The following CAMKMT variants were observed in gnomAD, a reference collection of about 807,000 sequenced individuals.
CAMKMT encodes the protein CaM KMT.
CAMKMT carries 53 observed loss-of-function variants against 48.0 expected under a neutral mutation model. The observed-to-expected ratio is 1.10, with a 90% confidence interval of 0.89 to 1.39. The LOEUF is 1.39. Ranked by LOEUF, CAMKMT falls within the 40% of genes most tolerant of loss-of-function variation. The pLI, the probability that CAMKMT is intolerant of heterozygous loss-of-function variation, is 0.00. For missense variants in CAMKMT, 428 were observed against 402.7 expected (o/e 1.06, Z -0.54); for synonymous variants, 165 against 152.3 (o/e 1.08, Z -0.61).
intron 3 of CAMKMT, among the ~76,000 whole-genome samples, chr2:44,610,833 C>T (rs368256422): frequency 4.6e-5 from 7 of 152,182 alleles, no homozygotes; most frequent in East Asian, 1.9e-4. Flanking sequence ...CCCTTTAAAA[C>T]GGATCCATAG....
intron 2 of CAMKMT, among the ~76,000 whole-genome samples, chr2:44,384,792 A>C (rs1487725514): frequency 1.3e-5 from 2 of 151,838 alleles, no homozygotes; most frequent in Admixed American, 1.3e-4. Context: ...GTTGGCTGTA[A>C]GTATTTGGAT....
chr2:44,768,714 C>A (rs1680971336), intron 10 of CAMKMT, among the ~76,000 whole-genome samples: 1 of 152,178 alleles, frequency 6.6e-6, no homozygotes, highest in Non-Finnish European at 1.5e-5. Context: ...TCCACCCTGG[C>A]GGCTTTTGTT....
intron 3 of CAMKMT, chr2:44,549,480 G>A (rs932655526): frequency 1.5e-6 from 1 of 687,848 alleles, no homozygotes; most frequent in Non-Finnish European, 2.6e-6. Flanking sequence ...TTGCCACAAT[G>A]TCTTGAACTG....
At chr2:44,565,017 G>C (rs1474598774) in intron 3 of CAMKMT, among the ~76,000 whole-genome samples, 2 of 152,314 alleles carry the variant, frequency 1.3e-5, no homozygotes, top group East Asian at 1.9e-4. Flanking sequence ...CACTTGGTCT[G>C]CCTGGCGTTG....
At chr2:44,506,596 C>T (rs992335253) in intron 3 of CAMKMT, among the ~76,000 whole-genome samples, 21 of 152,170 alleles carry the variant, frequency 1.4e-4, no homozygotes, top group South Asian at 2.1e-4. Context: ...CAGAAATAAA[C>T]GCCATTTCTC....
chr2:44,408,359 C>T (rs1223296496), intron 3 of CAMKMT, among the ~76,000 whole-genome samples: 1 of 151,904 alleles, frequency 6.6e-6, no homozygotes, highest in East Asian at 1.9e-4. Context: ...TAAAGAGTTA[C>T]TTGTAAGTAA....
intron 3 of CAMKMT, among the ~76,000 whole-genome samples, chr2:44,411,130 A>G (rs1683173995): frequency 6.6e-6 from 1 of 152,212 alleles, no homozygotes; most frequent in African/African-American, 2.4e-5. Context: ...TTTTTAAAAT[A>G]CTTCTCTTGT....
chr2:44,546,542 A>T (rs1283865909), intron 3 of CAMKMT, among the ~76,000 whole-genome samples: 1 of 152,212 alleles, frequency 6.6e-6, no homozygotes, highest in Non-Finnish European at 1.5e-5. Context: ...GCCACTACGG[A>T]TCTGCAGCAC....
chr2:44,508,577 TAAAC>T (rs10558392), intron 3 of CAMKMT, among the ~76,000 whole-genome samples: 100,639 of 151,494 alleles, frequency 0.66, 33,885 homozygotes, highest in Middle Eastern at 0.71. Context: ...GTACTGTGGC[TAAAC>T]GTTTACCTTA....
At chr2:44,692,177 T>C (rs1676691257) in intron 3 of CAMKMT, among the ~76,000 whole-genome samples, 1 of 152,128 alleles carries the variant, frequency 6.6e-6, no homozygotes, top group South Asian at 2.1e-4. Context: ...ACCATAAAAA[T>C]GTAATTCAGG....
At chr2:44,736,575 CA>C (rs1484817998) in intron 7 of CAMKMT, among the ~76,000 whole-genome samples, 1 of 152,104 alleles carries the variant, frequency 6.6e-6, no homozygotes, top group Non-Finnish European at 1.5e-5. Context: ...GGACATTTTT[CA>C]GCCATTATTT....
intron 7 of CAMKMT, among the ~76,000 whole-genome samples, chr2:44,727,012 T>TACCAA (rs1678826286): frequency 6.6e-6 from 1 of 152,218 alleles, no homozygotes; most frequent in Non-Finnish European, 1.5e-5. Context: ...GCTGTTTTGG[T>TACCAA]GACTATGGCT....
intron 3 of CAMKMT, among the ~76,000 whole-genome samples, chr2:44,480,717 G>C (rs1668923384): frequency 2.0e-5 from 3 of 152,062 alleles, no homozygotes; most frequent in Admixed American, 2.0e-4. Context: ...ATTTTGAAGG[G>C]AATAGGTTAA....
At chr2:44,445,645 GTTTTTTT>G (rs869258613) in intron 3 of CAMKMT, among the ~76,000 whole-genome samples, 6 of 101,408 alleles carry the variant, frequency 5.9e-5, no homozygotes, top group African/African-American at 1.8e-4. Flanking sequence ...CAAAAGGGTA[GTTTTTTT>G]TTTTTTTTTT....
At chr2:44,724,195 C>T (rs2104326806) in intron 7 of CAMKMT, among the ~76,000 whole-genome samples, 1 of 152,268 alleles carries the variant, frequency 6.6e-6, no homozygotes, top group South Asian at 2.1e-4. Flanking sequence ...TGCTTGAGGC[C>T]AGGAGTTCAA....
chr2:44,679,751 G>A (rs1464591434), intron 3 of CAMKMT, among the ~76,000 whole-genome samples: 1 of 152,184 alleles, frequency 6.6e-6, no homozygotes, highest in East Asian at 1.9e-4. Context: ...CAATACCTCT[G>A]CTCTATTATC....
At chr2:44,431,388 T>A (rs1426086922) in intron 3 of CAMKMT, among the ~76,000 whole-genome samples, 1 of 152,198 alleles carries the variant, frequency 6.6e-6, no homozygotes, top group Non-Finnish European at 1.5e-5. Flanking sequence ...CTTTTTTCCC[T>A]TTTTGTTACT....
intron 3 of CAMKMT, among the ~76,000 whole-genome samples, chr2:44,497,709 AAGAGAGAGAGAG>A (rs70937918): frequency 2.9e-5 from 4 of 138,910 alleles, no homozygotes; most frequent in Non-Finnish European, 4.6e-5. Context: ...TAAGCAGGCA[AAGAGAGAGAGAG>A]AGAGAGAGAG....
chr2:44,647,787 A>G (rs1673820407), intron 3 of CAMKMT, among the ~76,000 whole-genome samples: 1 of 151,700 alleles, frequency 6.6e-6, no homozygotes, highest in African/African-American at 2.4e-5. Context: ...GGGCGCCTGT[A>G]GTCCCAGCTA....
Sources: allele counts gnomAD v4.1 joint callset (sites outside exome capture counted in the v4.1 genomes callset), GRCh38; gene constraint gnomAD v4.1.1; transcripts MANE v1.5; gene names NCBI Gene and HGNC (gene_info 2026-07-23, HGNC 2026-07-21).